The following DOCK8 variants were observed in gnomAD, a reference collection of about 807,000 sequenced individuals.
DOCK8 encodes the protein dedicator of cytokinesis protein 8.
In DOCK8, 141 loss-of-function variants were observed where a neutral mutation model predicts 245.6. The ratio of observed to expected loss-of-function variants is 0.57; its 90% CI spans 0.50 to 0.66. The LOEUF (loss-of-function observed/expected upper bound fraction) is 0.66. Among genes scored for constraint, DOCK8 ranks in the 30% least tolerant of loss-of-function variants. The pLI, the probability that DOCK8 is intolerant of heterozygous loss-of-function variation, is 0.00. For missense variants in DOCK8, 2,965 were observed against 2,603.4 expected, an observed-to-expected ratio of 1.14 and a Z score of -3.02; for synonymous variants, 1,168 against 970.2, an observed-to-expected ratio of 1.20 and a Z score of -3.79.
chr9:225,766 C>T (rs145636222), intron 1 of DOCK8, among the ~76,000 whole-genome samples: 1,606 of 152,146 alleles, frequency 0.011, 11 homozygotes, highest in Middle Eastern at 0.02. Flanking sequence ...AGAATGTAAA[C>T]GGGCCATTGA....
chr9:284,281 G>T (rs1263807894), intron 2 of DOCK8: 1 of 152,326 alleles, frequency 6.6e-6, no homozygotes, highest in Admixed American at 6.5e-5. Context: ...GAGTTCACCA[G>T]TGTCCTAATG....
intron 18 of DOCK8, among the ~76,000 whole-genome samples, chr9:374,717 T>C (rs1324366594): frequency 1.3e-5 from 2 of 151,862 alleles, no homozygotes; most frequent in African/African-American, 2.4e-5. Flanking sequence ...CCTCCCACTT[T>C]GGACTCCCAA....
intron 1 of DOCK8, among the ~76,000 whole-genome samples, chr9:224,814 T>C (rs142805202): frequency 6.8e-4 from 103 of 152,264 alleles, no homozygotes; most frequent in African/African-American, 2.4e-3. Context: ...CACTTTCACC[T>C]ATGCAAGTAG....
chr9:312,362 A>G (rs2050163989), intron 6 of DOCK8, 196 bp downstream of exon 6: 3 of 710,426 alleles, frequency 4.2e-6, no homozygotes, highest in Non-Finnish European at 7.6e-6. Context: ...CACAGATGGG[A>G]TTCTGATAAT....
At chr9:402,671 A>G (rs1423747055) in intron 26 of DOCK8, among the ~76,000 whole-genome samples, 2 of 152,230 alleles carry the variant, frequency 1.3e-5, no homozygotes, top group African/African-American at 2.4e-5. Context: ...TCTGCCATCT[A>G]AAGATTTTGT....
chr9:298,966 T>A (rs916537618), intron 4 of DOCK8, among the ~76,000 whole-genome samples: 5 of 152,190 alleles, frequency 3.3e-5, no homozygotes, highest in Non-Finnish European at 7.3e-5. Flanking sequence ...ACTGTTTGTT[T>A]CAATGTTAGG....
intron 29 of DOCK8, 127 bp downstream of exon 29, chr9:415,078 T>G: frequency 7.6e-7 from 1 of 1,318,020 alleles, no homozygotes; most frequent in Admixed American, 1.7e-5. Context: ...ACAAAAATGG[T>G]CTCCAAACCT....
chr9:273,629 G>C (rs1428104557), intron 2 of DOCK8, among the ~76,000 whole-genome samples: 3 of 151,938 alleles, frequency 2.0e-5, no homozygotes, highest in Non-Finnish European at 2.9e-5. Context: ...ACTCCTAAGA[G>C]ACGTTAAGGA....
At chr9:211,576 C>A (rs1189843190), upstream of DOCK8, among the ~76,000 whole-genome samples, 1 of 151,960 alleles carries the variant, frequency 6.6e-6, no homozygotes, top group African/African-American at 2.4e-5. Context: ...GGAATGAAAG[C>A]CACTGTGAGA....
chr9:340,490 G>A, intron 14 of DOCK8, 169 bp downstream of exon 14: 1 of 801,282 alleles, frequency 1.2e-6, no homozygotes, highest in South Asian at 1.6e-5. Context: ...GCATGGTGGT[G>A]CATGCTTGTA....
intron 9 of DOCK8, among the ~76,000 whole-genome samples, chr9:330,347 T>G (rs1344929534): frequency 2.0e-5 from 3 of 152,166 alleles, no homozygotes; most frequent in African/African-American, 7.2e-5. Context: ...TATCCTTATG[T>G]AAGGGCCACA....
At chr9:237,901 A>T (rs540107461) in intron 1 of DOCK8, among the ~76,000 whole-genome samples, 1 of 150,468 alleles carries the variant, frequency 6.6e-6, no homozygotes, top group East Asian at 1.9e-4. Flanking sequence ...TTCATATTTT[A>T]TTTGAGAAAA....
At chr9:234,305 C>G (rs916378599) in intron 1 of DOCK8, among the ~76,000 whole-genome samples, 3 of 152,220 alleles carry the variant, frequency 2.0e-5, no homozygotes, top group Non-Finnish European at 2.9e-5. Context: ...GGTAACCCGA[C>G]CTTTCTCTCT....
At chr9:419,106 G>A (rs1194401654) in intron 30 of DOCK8, among the ~76,000 whole-genome samples, 1 of 152,174 alleles carries the variant, frequency 6.6e-6, no homozygotes, top group African/African-American at 2.4e-5. Flanking sequence ...ACTATCCCTT[G>A]TGAAGACAGC....
chr9:214,900 G>A lies in DOCK8; in HGVS notation c.-77G>A. The A allele has an allele frequency of 4.4e-6, 7 of 1,602,838 alleles. No homozygotes were observed. Among genetic ancestry groups the A allele is most frequent in the Non-Finnish European group, 6.0e-6 (7 of 1,175,658 alleles). On this transcript the variant is annotated 5_prime_UTR_variant, in exon 1 of 48. Transcript: ENST00000432829. ...GTTTGCGCTTGGCTGGGCATGTTCC[G>A]CGGCTACTCTGCGGCGCGCCAGGCC... is the stretch of plus-strand genomic sequence containing the variant.
intron 2 of DOCK8, chr9:273,138 G>A: frequency 1.1e-6 from 1 of 905,250 alleles, no homozygotes; most frequent in Non-Finnish European, 1.3e-6. Flanking sequence ...TATTTCAGAA[G>A]GATAATTTGT....
At chr9:250,779 C>T (rs939641116) in intron 1 of DOCK8, among the ~76,000 whole-genome samples, 2 of 152,130 alleles carry the variant, frequency 1.3e-5, no homozygotes, top group Admixed American at 6.5e-5. Context: ...CTGATGCAGC[C>T]GAAAGATCAC....
chr9:289,707 A>T, intron 4 of DOCK8, 126 bp downstream of exon 4: 1 of 767,246 alleles, frequency 1.3e-6, no homozygotes, highest in Non-Finnish European at 2.1e-6. Context: ...TAGAGTTCTC[A>T]TGTATGCCTT....
At chr9:437,080 C>T (rs1470736919) in intron 39 of DOCK8, among the ~76,000 whole-genome samples, 1 of 152,168 alleles carries the variant, frequency 6.6e-6, no homozygotes, top group Non-Finnish European at 1.5e-5. Context: ...TCTTACTTCT[C>T]TCAAATGGGA....
Sources: gnomAD v4.1 joint callset for allele counts (sites outside exome capture counted in the v4.1 genomes callset) on GRCh38, gnomAD v4.1.1 for gene constraint, MANE v1.5 for transcripts, NCBI Gene and HGNC (gene_info 2026-07-23, HGNC 2026-07-21) for gene names.